The following CSMD1 variants were observed in gnomAD, a reference collection of about 807,000 sequenced individuals.
CSMD1 encodes CUB and sushi domain-containing protein 1.
Under a neutral mutation model 417.5 loss-of-function variants are expected in CSMD1, and 213 were observed. The observed-to-expected ratio is 0.51, with a 90% CI of 0.46 to 0.57. CSMD1 has a LOEUF of 0.57. CSMD1 is among the 20% of genes least tolerant of loss of function. CSMD1 has a pLI of 0.00. For missense variants in CSMD1, 6,923 were observed against 4,529.7 expected, an observed-to-expected ratio of 1.53 and a Z score of -15.17; for synonymous variants, 2,862 against 1,736.8, an observed-to-expected ratio of 1.65 and a Z score of -16.11.
intron 2 of CSMD1, among the ~76,000 whole-genome samples, chr8:4,452,724 GAC>G (rs1332212739): frequency 6.6e-6 from 1 of 151,960 alleles, no homozygotes; most frequent in East Asian, 1.9e-4. Context: ...AATCAACACG[GAC>G]ACAGACACAG....
intron 5 of CSMD1, among the ~76,000 whole-genome samples, chr8:3,878,702 G>T (rs1451272656): frequency 6.6e-6 from 1 of 152,116 alleles, no homozygotes; most frequent in Non-Finnish European, 1.5e-5. Flanking sequence ...TATGTCTGAT[G>T]CTTCAGTGAG....
chr8:4,860,266 TG>T (rs1355258810), intron 1 of CSMD1, among the ~76,000 whole-genome samples: 1 of 20,700 alleles, frequency 4.8e-5, no homozygotes, highest in East Asian at 2.4e-3. Context: ...TGTTGTGGGG[TG>T]GGGGGAGGGG....
intron 21 of CSMD1, among the ~76,000 whole-genome samples, chr8:3,354,893 A>C: frequency 6.7e-6 from 1 of 150,200 alleles, no homozygotes; most frequent in East Asian, 1.9e-4. Context: ...AGATATGTCT[A>C]TCTATAGATC....
chr8:4,419,372 T>G (rs1797123594), intron 3 of CSMD1, among the ~76,000 whole-genome samples: 1 of 152,196 alleles, frequency 6.6e-6, no homozygotes, highest in Non-Finnish European at 1.5e-5. Context: ...GTTCTATCTC[T>G]GCATTTAAAA....
intron 1 of CSMD1, among the ~76,000 whole-genome samples, chr8:4,750,444 T>A (rs180685084): frequency 1.3e-5 from 2 of 152,332 alleles, no homozygotes; most frequent in African/African-American, 4.8e-5. Context: ...TTAGAAAACC[T>A]TGGATTAAAT....
At chr8:3,617,540 G>C (rs936644086) in intron 7 of CSMD1, among the ~76,000 whole-genome samples, 2 of 152,130 alleles carry the variant, frequency 1.3e-5, no homozygotes, top group Non-Finnish European at 2.9e-5. Flanking sequence ...GATGTGAGGG[G>C]AAGTCCACAG....
chr8:3,316,451 A>G (rs1805767431), intron 23 of CSMD1, among the ~76,000 whole-genome samples: 1 of 152,148 alleles, frequency 6.6e-6, no homozygotes, highest in Non-Finnish European at 1.5e-5. Flanking sequence ...AAACAACACG[A>G]TGAATGCTAT....
At chr8:3,211,272 G>A (rs1312416774) in intron 30 of CSMD1, among the ~76,000 whole-genome samples, 1 of 152,046 alleles carries the variant, frequency 6.6e-6, no homozygotes, top group South Asian at 2.1e-4. Flanking sequence ...CTTGAATTCT[G>A]GTCCTCAAGC....
At chr8:3,344,891 C>A (rs1807889863) in intron 22 of CSMD1, among the ~76,000 whole-genome samples, 1 of 152,216 alleles carries the variant, frequency 6.6e-6, no homozygotes, top group African/African-American at 2.4e-5. Flanking sequence ...ACTCTCTAAT[C>A]TCCTTACTAA....
intron 2 of CSMD1, among the ~76,000 whole-genome samples, chr8:4,569,283 C>T (rs536509079): frequency 5.9e-5 from 9 of 152,276 alleles, no homozygotes; most frequent in African/African-American, 2.2e-4. Context: ...TTAGGTCTAA[C>T]ATTTAAGTCT....
chr8:3,927,139 T>C (rs942494194), intron 5 of CSMD1, among the ~76,000 whole-genome samples: 14 of 152,062 alleles, frequency 9.2e-5, no homozygotes, highest in Non-Finnish European at 1.9e-4. Context: ...TTATTATAAA[T>C]AAAAGATAGG....
At chr8:3,226,822 GGAAA>G (rs1276307340) in intron 27 of CSMD1, among the ~76,000 whole-genome samples, 19 of 151,800 alleles carry the variant, frequency 1.3e-4, no homozygotes, top group Non-Finnish European at 1.2e-4. Flanking sequence ...TTTATAAAAG[GGAAA>G]GAAAGAGAGA....
At chr8:4,137,213 G>C (rs971313562) in intron 3 of CSMD1, among the ~76,000 whole-genome samples, 3 of 152,126 alleles carry the variant, frequency 2.0e-5, no homozygotes, top group Non-Finnish European at 4.4e-5. Flanking sequence ...GGAAACAGTT[G>C]CCTTTAATTA....
chr8:4,480,701 T>C (rs1456580038), intron 2 of CSMD1, among the ~76,000 whole-genome samples: 1 of 152,252 alleles, frequency 6.6e-6, no homozygotes, highest in Non-Finnish European at 1.5e-5. Context: ...TATCCATCTC[T>C]TTCTGACAAC....
At chr8:3,220,688 G>C (rs527641218) in intron 28 of CSMD1, among the ~76,000 whole-genome samples, 2 of 152,246 alleles carry the variant, frequency 1.3e-5, no homozygotes, top group South Asian at 4.1e-4. Context: ...AAAATTAGCA[G>C]AGCATGGTGT....
intron 5 of CSMD1, among the ~76,000 whole-genome samples, chr8:3,858,774 A>G (rs1804487910): frequency 6.6e-6 from 1 of 152,142 alleles, no homozygotes; most frequent in African/African-American, 2.4e-5. Flanking sequence ...TAACTTATTT[A>G]GGATTTAAAA....
At chr8:3,644,337 G>A (rs1797466083) in intron 7 of CSMD1, among the ~76,000 whole-genome samples, 1 of 152,170 alleles carries the variant, frequency 6.6e-6, no homozygotes, top group Non-Finnish European at 1.5e-5. Flanking sequence ...AGAGGCAAAT[G>A]GCCTTGTGTC....
At chr8:3,195,968 C>G (rs1357196817) in intron 33 of CSMD1, among the ~76,000 whole-genome samples, 2 of 152,074 alleles carry the variant, frequency 1.3e-5, no homozygotes, top group East Asian at 1.9e-4. Context: ...CTGAGACCTA[C>G]TAGGCTAAAT....
At chr8:4,966,704 AAT>A (rs1343993220) in intron 1 of CSMD1, among the ~76,000 whole-genome samples, 2 of 152,220 alleles carry the variant, frequency 1.3e-5, no homozygotes, top group Non-Finnish European at 2.9e-5. Flanking sequence ...TCCTTCTAAT[AAT>A]TTTTATTTGG....
Sources: allele counts gnomAD v4.1 joint callset (sites outside exome capture counted in the v4.1 genomes callset), GRCh38; gene constraint gnomAD v4.1.1; transcripts MANE v1.5; gene names NCBI Gene and HGNC (gene_info 2026-07-23, HGNC 2026-07-21).